HERC1: variants seen among roughly 807,000 people sequenced by gnomAD.
HERC1 encodes HECT and RLD domain containing E3 ubiquitin protein ligase family member 1.
Under a neutral mutation model 554.3 loss-of-function variants are expected in HERC1, and 160 were observed. That is an observed-to-expected ratio of 0.29 (90% CI 0.25 to 0.33). HERC1 has a LOEUF of 0.33. Among genes scored for constraint, HERC1 ranks in the 10% least tolerant of loss-of-function variants. The pLI is 1.00. For synonymous variants in HERC1, 2,175 were observed against 2,131.7 expected, an observed-to-expected ratio of 1.02 and a Z score of -0.56; for missense variants, 4,919 against 5,918.5, an observed-to-expected ratio of 0.83 and a Z score of 5.54.
Position 63,651,379 on chromosome 15 carries a change from C to T in HERC1, c.10420G>A (p.Glu3474Lys). The change falls in exon 53 of 78, where the codon GAA becomes AAA. Residue 3474 changes from glutamate (E) to lysine (K), a missense_variant and splice_region_variant. Glu to Lys is a moderately conservative substitution (Grantham distance 56). This residue lies in a region of HERC1 where 1,963 missense variants were observed against 2,228.6 expected (regional missense o/e 0.88). Coordinates refer to ENST00000443617, the MANE Select transcript of HERC1 (RefSeq NM_003922.4). ...CCCAGGCTTTCCTCAGCATCCCCTT[C>T]CCTAGAATATAACAGACAGATATGC... ...LQQTCVFNRL[E>K]GDAEESLGSP... 1 of 1,612,764 alleles carries T rather than the reference C, an allele frequency of 6.2e-7. No homozygotes were observed. The highest frequency in any genetic ancestry group is 8.5e-7 in the Non-Finnish European group (1 of 1,179,270).
At position 63,643,066 on chromosome 15, in the gene HERC1, G is replaced by A. The variant is rs373342297; in HGVS notation, c.11332-8C>T. On this transcript the variant is annotated splice_region_variant and splice_polypyrimidine_tract_variant and intron_variant, in intron 58 of 77. Transcript: ENST00000443617. ...TTGCAAGACAGAGCCATCCTAAAAT[G>A]AGATATATTTACCAATACACACCAT... The A allele has an allele frequency of 3.1e-5, 49 of 1,560,000 alleles. No homozygotes were observed. Among genetic ancestry groups the A allele is most frequent in the Non-Finnish European group, 4.1e-5 (47 of 1,132,772 alleles).
intron 37 of HERC1, among the ~76,000 whole-genome samples, chr15:63,675,466 T>C (rs564426996): frequency 1.3e-5 from 2 of 152,320 alleles, no homozygotes; most frequent in African/African-American, 4.8e-5. Flanking sequence ...CCTGCCATCA[T>C]AGTGCAAAAG....
chr15:63,633,372 ATCT>A, intron 67 of HERC1, among the ~76,000 whole-genome samples: 1 of 152,342 alleles, frequency 6.6e-6, no homozygotes, highest in Non-Finnish European at 1.5e-5. Flanking sequence ...GAGTCAAGAA[ATCT>A]TCTATAGTAT....
rs1430933388 is a variant in HERC1 at position 63,732,963 on chromosome 15, A to C, written c.2829T>G (p.Ile943Met). Residue 943 changes from isoleucine (I) to methionine (M), a missense_variant, in exon 14 of 78, where the codon ATT becomes ATG. Physicochemically the swap from Ile to Met is conservative, Grantham distance 10. Around this residue, in one of 11 missense-constraint regions of HERC1, gnomAD observed 744 missense variants for 1,090.0 expected, o/e 0.68. Coordinates refer to ENST00000443617, the MANE Select transcript of HERC1 (RefSeq NM_003922.4). Reference sequence around the variant, plus strand: ...AATTTCTTAAGAGGGTCTTCATCAAAATTTCAGCCAGGTGGGTATCTGGAT... The same window carrying C: ...AATTTCTTAAGAGGGTCTTCATCAACATTTCAGCCAGGTGGGTATCTGGAT... ...SCHPDTHLAE[I>M]LMKTLLRNLG... The C allele has an allele frequency of 6.2e-7, 1 of 1,613,898 alleles. No individual in the cohort carries two copies. The highest frequency in any genetic ancestry group is 1.7e-5 in the Admixed American group (1 of 60,016).
chr15:63,630,504 C>T lies in HERC1; in HGVS notation c.12928G>A (p.Gly4310Arg). Residue 4310 changes from glycine (G) to arginine (R), a missense_variant, in exon 69 of 78, where the codon GGA becomes AGA. Gly to Arg is a moderately radical substitution (Grantham distance 125). Coordinates refer to ENST00000443617, the MANE Select transcript of HERC1 (RefSeq NM_003922.4). ...TTGCTCCCCCAGGCATACACATCTCCATTTGATGCCAAAGCAAGTGTGTGT... is the reference window on the plus strand; with the variant it reads ...TTGCTCCCCCAGGCATACACATCTCTATTTGATGCCAAAGCAAGTGTGTGT... ...AEHTLALASN[G>R]DVYAWGSNSE... 1 of 1,613,934 alleles carries T rather than the reference C, an allele frequency of 6.2e-7. No individual in the cohort carries two copies. Among genetic ancestry groups the T allele is most frequent in the Non-Finnish European group, 8.5e-7 (1 of 1,179,852 alleles).
intron 1 of HERC1, among the ~76,000 whole-genome samples, chr15:63,818,809 A>G (rs2145637491): frequency 1.3e-5 from 2 of 152,310 alleles, no homozygotes; most frequent in South Asian, 4.1e-4. Flanking sequence ...TTTCTTTTTC[A>G]ACTTCTAAAG....
At chr15:63,688,306 G>A (rs1057486731) in intron 33 of HERC1, among the ~76,000 whole-genome samples, 3 of 152,192 alleles carry the variant, frequency 2.0e-5, no homozygotes, top group Non-Finnish European at 4.4e-5. Flanking sequence ...TTTCACTTGA[G>A]TAACTCACTA....
intron 12 of HERC1, among the ~76,000 whole-genome samples, chr15:63,743,521 CA>C (rs1346936129): frequency 6.6e-6 from 1 of 152,140 alleles, no homozygotes; most frequent in Non-Finnish European, 1.5e-5. Flanking sequence ...CCTTGGCCTC[CA>C]AAAGTGCTGG....
intron 1 of HERC1, among the ~76,000 whole-genome samples, chr15:63,803,850 T>C (rs560729417): frequency 6.6e-6 from 1 of 152,316 alleles, no homozygotes; most frequent in East Asian, 1.9e-4. Flanking sequence ...ATGTACATTA[T>C]CTGACTTTTA....
In HERC1 at chr15:63,678,050, C is replaced by T. The variant is rs376481932; in HGVS notation, c.6865G>A (p.Ala2289Thr). The change falls in exon 37 of 78, where the codon GCT becomes ACT. Residue 2289 changes from alanine to threonine, a missense_variant. Coordinates refer to ENST00000443617, the MANE Select transcript of HERC1 (RefSeq NM_003922.4). ...EKGKHTRHGL[A>T]DLSELQLRTL... ...CTCAGCTGCAGCTCTGAGAGGTCAG[C>T]GAGGCCATGCCTAGTATGTTTACCT... 7.4e-6 allele frequency: 12 copies of T among 1,613,882 alleles called. No individual in the cohort carries two copies. The highest frequency in any genetic ancestry group is 4.5e-5 in the East Asian group (2 of 44,898).
intron 1 of HERC1, among the ~76,000 whole-genome samples, chr15:63,816,974 A>AG (rs2077512919): frequency 6.6e-6 from 1 of 152,200 alleles, no homozygotes; most frequent in Admixed American, 6.5e-5. Context: ...TCTTACTGAG[A>AG]GGGAAAAAAA....
intron 1 of HERC1, among the ~76,000 whole-genome samples, chr15:63,798,284 C>T (rs961327655): frequency 4.6e-5 from 7 of 152,174 alleles, no homozygotes; most frequent in Non-Finnish European, 8.8e-5. Flanking sequence ...ATGTTACTCC[C>T]TTAGTGAAAA....
chr15:63,658,899 A>AT (rs1472935583), intron 47 of HERC1, among the ~76,000 whole-genome samples, 181 bp from the exon 48 acceptor site: 8 of 152,228 alleles, frequency 5.3e-5, no homozygotes, highest in African/African-American at 1.9e-4. Context: ...TTGAACTTGG[A>AT]TATTTCTAAC....
intron 1 of HERC1, among the ~76,000 whole-genome samples, chr15:63,820,585 A>C (rs1425977271): frequency 6.6e-6 from 1 of 152,246 alleles, no homozygotes; most frequent in Non-Finnish European, 1.5e-5. Context: ...TAAGGTCTTA[A>C]AATACGGCAA....
At chr15:63,715,988 C>T (rs949027539) in intron 22 of HERC1, among the ~76,000 whole-genome samples, 23 of 152,118 alleles carry the variant, frequency 1.5e-4, no homozygotes, top group African/African-American at 5.6e-4. Context: ...CAACTTGTTG[C>T]CCCAGAGGAC....
chr15:63,704,518 A>T (rs1016798926), intron 25 of HERC1, among the ~76,000 whole-genome samples: 14 of 152,198 alleles, frequency 9.2e-5, no homozygotes, highest in Non-Finnish European at 1.9e-4. Context: ...TTTTCTCTCT[A>T]GCGCCAAATG....
chr15:63,622,129 A>G (rs555818617), intron 74 of HERC1, among the ~76,000 whole-genome samples: 1 of 152,308 alleles, frequency 6.6e-6, no homozygotes, highest in South Asian at 2.1e-4. Context: ...GTAATTGCAA[A>G]TACTAAATTT....
intron 26 of HERC1, among the ~76,000 whole-genome samples, chr15:63,698,334 C>T (rs1487344085): frequency 6.7e-6 from 1 of 149,936 alleles, no homozygotes; most frequent in Non-Finnish European, 1.5e-5. Flanking sequence ...AGGAGAATCA[C>T]TTGAACCCAG....
intron 46 of HERC1, 89 bp downstream of exon 46, chr15:63,660,884 C>A: frequency 1.2e-6 from 1 of 817,206 alleles, no homozygotes; most frequent in Non-Finnish European, 2.1e-6. Flanking sequence ...AACACACACA[C>A]ACACGAAGGT....
Sources: gnomAD v4.1 joint callset for allele counts (sites outside exome capture counted in the v4.1 genomes callset) on GRCh38, gnomAD v4.1.1 for gene constraint, gnomAD v4.1.1 regional missense constraint, MANE v1.5 for transcripts, NCBI Gene and HGNC (gene_info 2026-07-23, HGNC 2026-07-21) for gene names.